IQCE: variants seen among roughly 807,000 people sequenced by gnomAD.
The protein encoded by IQCE is IQ domain-containing protein E.
Under a neutral mutation model 96.0 loss-of-function variants are expected in IQCE, and 115 were observed. The observed-to-expected ratio is 1.20, with a 90% confidence interval of 1.03 to 1.40. The LOEUF is 1.40. Among genes scored for constraint, IQCE ranks in the 40% most tolerant of loss-of-function variants. IQCE has a pLI of 0.00. For synonymous variants in IQCE, 412 were observed against 371.2 expected, an observed-to-expected ratio of 1.11 and a Z score of -1.26; for missense variants, 1,041 against 909.1, an observed-to-expected ratio of 1.15 and a Z score of -1.87.
chr7:2,575,525 C>T (rs1020211152), intron 6 of IQCE, among the ~76,000 whole-genome samples: 2 of 152,232 alleles, frequency 1.3e-5, no homozygotes, highest in African/African-American at 4.8e-5. Flanking sequence ...CCGACCTCCT[C>T]TGGAGCCCCA....
intron 13 of IQCE, among the ~76,000 whole-genome samples, chr7:2,589,529 C>A (rs1446630965): frequency 6.6e-6 from 1 of 152,132 alleles, no homozygotes; most frequent in African/African-American, 2.4e-5. Context: ...TTGCAGGCGA[C>A]ACCAGGATGT....
At chr7:2,582,177 C>A in intron 8 of IQCE, 1 of 419,098 alleles carries the variant, frequency 2.4e-6, no homozygotes, top group Non-Finnish European at 4.8e-6. Flanking sequence ...CTCACTGCCC[C>A]ATGGAGACTG....
intron 14 of IQCE, 52 bp from the exon 15 acceptor site, chr7:2,592,970 C>G (rs1783723346): frequency 6.5e-7 from 1 of 1,550,236 alleles, no homozygotes; most frequent in Non-Finnish European, 8.8e-7. Context: ...CCTGCTCTGA[C>G]ATAACCTACA....
intron 17 of IQCE, 188 bp downstream of exon 17, chr7:2,598,820 A>T: frequency 2.3e-6 from 1 of 434,210 alleles, no homozygotes; most frequent in Non-Finnish European, 4.0e-6. Context: ...CGTTTTGTGC[A>T]GTAGTGGATA....
In IQCE at chr7:2,595,089, C is replaced by T. The variant is rs138864719; in HGVS notation, c.1440+113C>T. 2.2e-4 allele frequency: 167 copies of T among 743,936 alleles called. No individual in the cohort carries two copies. The African/African-American group carries it at 2.8e-3, about 12-fold the overall frequency. The allele number at this position is 743,936 out of a possible 1,614,324, so 46.1% of individuals were successfully genotyped here. On this transcript the variant is annotated intron_variant, in intron 16 of 21. Transcript: ENST00000402050. ...TTCTGACCAGCCACTGAAAATCCCA[C>T]TCCCCTTTATCATCACCATTGATTT...
intron 19 of IQCE, among the ~76,000 whole-genome samples, chr7:2,605,496 C>G (rs886130098): frequency 2.6e-5 from 4 of 152,038 alleles, no homozygotes; most frequent in African/African-American, 4.8e-5. Flanking sequence ...GGCGGGCGCC[C>G]GCAGTCCCAG....
At chr7:2,593,467 A>G (rs1783774221) in intron 15 of IQCE, among the ~76,000 whole-genome samples, 1 of 152,242 alleles carries the variant, frequency 6.6e-6, no homozygotes, top group East Asian at 1.9e-4. Flanking sequence ...CCTCACAGTA[A>G]TGCCATTCGC....
intron 1 of IQCE, among the ~76,000 whole-genome samples, chr7:2,562,527 A>G (rs1324274363): frequency 6.6e-6 from 1 of 150,598 alleles, no homozygotes; most frequent in Non-Finnish European, 1.5e-5. Context: ...GTTTGATAGA[A>G]TTCACCAGCG....
At chr7:2,575,415 C>T (rs1339298767) in intron 6 of IQCE, among the ~76,000 whole-genome samples, 4 of 152,224 alleles carry the variant, frequency 2.6e-5, no homozygotes, top group Admixed American at 6.5e-5. Flanking sequence ...CTGACACCGC[C>T]CTAGCTGGGA....
chr7:2,586,904 T>C (rs2128455309), intron 12 of IQCE, among the ~76,000 whole-genome samples: 1 of 152,142 alleles, frequency 6.6e-6, no homozygotes, highest in East Asian at 1.9e-4. Context: ...TTAGGGGTGC[T>C]GTGGGAGTGT....
chr7:2,591,675 T>G (rs1783598449), intron 14 of IQCE, among the ~76,000 whole-genome samples: 1 of 151,486 alleles, frequency 6.6e-6, no homozygotes, highest in Non-Finnish European at 1.5e-5. Context: ...GGCTGGAGTT[T>G]AGTGGCACAA....
intron 11 of IQCE, among the ~76,000 whole-genome samples, chr7:2,585,366 A>G (rs961583203): frequency 1.4e-4 from 21 of 152,156 alleles, no homozygotes; most frequent in African/African-American, 4.3e-4. Flanking sequence ...CAGCTAGTCA[A>G]TGTATAACCT....
chr7:2,593,838 T>C (rs529970433), intron 15 of IQCE, among the ~76,000 whole-genome samples: 2 of 152,354 alleles, frequency 1.3e-5, no homozygotes, highest in South Asian at 4.1e-4. Context: ...TTCACTGAAT[T>C]ATACCCTTTA....
In IQCE at chr7:2,578,497, C is replaced by G; in HGVS notation, c.601C>G (p.Leu201Val). Residue 201 changes from leucine to valine, a missense_variant, in exon 8 of 22, where the codon CTG becomes GTG. By Grantham distance (32) the Leu-to-Val change is conservative (BLOSUM62 1). Coordinates refer to ENST00000402050, the MANE Select transcript of IQCE (RefSeq NM_152558.5). The part of the protein sequence containing the change: ...PSRGTDFVRT[L>V]AEKRPDASWV... ...ACAGGGCACGGATTTTGTTCGGACT[C>G]TGGCAGAGAAAAGGCCCGATGCCAG... 2.5e-6 allele frequency: 4 copies of G among 1,614,198 alleles called. No homozygotes were observed. The highest frequency in any genetic ancestry group is 2.2e-5 in the East Asian group (1 of 44,888).
intron 1 of IQCE, among the ~76,000 whole-genome samples, chr7:2,564,749 T>G (rs921923175): frequency 2.0e-5 from 3 of 152,220 alleles, no homozygotes; most frequent in Non-Finnish European, 2.9e-5. Context: ...TAATGTACAC[T>G]TGAGTAGAAT....
At chr7:2,559,895 C>T (rs895471957) in intron 1 of IQCE, among the ~76,000 whole-genome samples, 6 of 152,114 alleles carry the variant, frequency 3.9e-5, no homozygotes, top group Non-Finnish European at 8.8e-5. Context: ...GGCCGGTAGT[C>T]CCCCGGTAGT....
chr7:2,571,637 T>G lies in IQCE; in HGVS notation c.242T>G (p.Leu81Arg), dbSNP rs1415317139. ...TCCCTGACCCCGCAGAAGCTGTGGC[T>G]GGGAACCGCAAAGCCAGGTATGTGG... Reference protein sequence around the residue: ...RASLTPQKLWLGTAKPGSLTQ... With the variant: ...RASLTPQKLWRGTAKPGSLTQ... The change falls in exon 4 of 22, where the codon CTG becomes CGG. Residue 81 changes from leucine (L) to arginine (R), a missense_variant. Leu to Arg is a moderately radical substitution (Grantham distance 102). Coordinates refer to ENST00000402050, the MANE Select transcript of IQCE (RefSeq NM_152558.5). 1.9e-6 allele frequency: 3 copies of G among 1,600,000 alleles called. No homozygotes were observed. The South Asian group carries it at 3.3e-5, about 18-fold the overall frequency.
At chr7:2,581,711 C>CCTTTTTTTTTT (rs555502786) in intron 8 of IQCE, among the ~76,000 whole-genome samples, 1 of 140,210 alleles carries the variant, frequency 7.1e-6, no homozygotes. Flanking sequence ...AAAGAATGTT[C>CCTTTTTTTTTT]TTTTTTTTTT....
chr7:2,578,638 G>C, intron 8 of IQCE, 112 bp downstream of exon 8: 1 of 1,224,236 alleles, frequency 8.2e-7, no homozygotes, highest in Non-Finnish European at 1.2e-6. Context: ...AGCAGGCAGG[G>C]GGGAGGCTGC....
Sources: gnomAD v4.1 joint callset for allele counts (sites outside exome capture counted in the v4.1 genomes callset) on GRCh38, gnomAD v4.1.1 for gene constraint, MANE v1.5 for transcripts, NCBI Gene and HGNC (gene_info 2026-07-23, HGNC 2026-07-21) for gene names.